FHIP2A: variants seen among roughly 807,000 people sequenced by gnomAD.
FHIP2A encodes FHF complex subunit HOOK interacting protein 2A, also known as family with sequence similarity 160 member B1.
FHIP2A carries 46 observed loss-of-function variants against 93.5 expected under a neutral mutation model. The ratio of observed to expected loss-of-function variants is 0.49; its 90% CI spans 0.39 to 0.63. The LOEUF (loss-of-function observed/expected upper bound fraction) is 0.63. Among genes scored for constraint, FHIP2A ranks in the 20% least tolerant of loss-of-function variants. FHIP2A has a pLI of 0.00. For missense variants in FHIP2A, 769 were observed against 909.7 expected (o/e 0.85, Z 1.99); for synonymous variants, 332 against 326.5 (o/e 1.02, Z -0.18).
chr10:114,855,403 A>C, intron 14 of FHIP2A, 63 bp downstream of exon 14: 2,294 of 1,303,848 alleles, frequency 1.8e-3, no homozygotes, highest in Non-Finnish European at 2.2e-3. Context: ...GAATCATCTC[A>C]AGTCTTAGTA....
chr10:114,882,559 C>T (rs1485840224), intron 16 of FHIP2A, among the ~76,000 whole-genome samples: 1 of 152,142 alleles, frequency 6.6e-6, no homozygotes, highest in African/African-American at 2.4e-5. Flanking sequence ...GGCAAGGTGG[C>T]TCGCACCTGT....
intron 16 of FHIP2A, among the ~76,000 whole-genome samples, chr10:114,891,537 ATGTGTGTGTGTGTGTGTG>A (rs34032569): frequency 1.5e-5 from 2 of 137,132 alleles, no homozygotes; most frequent in African/African-American, 5.7e-5. Context: ...ATATATATAT[ATGTGTGTGTGTGTGTGTG>A]TGTGTGTGTG....
intron 6 of FHIP2A, 35 bp from the exon 7 acceptor site, chr10:114,843,706 T>C: frequency 6.9e-7 from 1 of 1,453,156 alleles, no homozygotes; most frequent in Non-Finnish European, 9.1e-7. Flanking sequence ...GTATATACAA[T>C]TCAAGAATTG....
downstream of FHIP2A, among the ~76,000 whole-genome samples, chr10:114,868,566 T>C (rs750381353): frequency 6.6e-6 from 1 of 151,896 alleles, no homozygotes; most frequent in African/African-American, 2.4e-5. Flanking sequence ...GTGGGGGGAA[T>C]ATATATATAT....
chr10:114,833,899 T>C (rs1287287607), intron 3 of FHIP2A, among the ~76,000 whole-genome samples: 3 of 152,186 alleles, frequency 2.0e-5, no homozygotes, highest in Admixed American at 6.5e-5. Context: ...AAATTACTTA[T>C]AGAGACAAGT....
intron 1 of FHIP2A, among the ~76,000 whole-genome samples, chr10:114,823,129 T>C (rs1198368684): frequency 3.3e-5 from 5 of 152,212 alleles, no homozygotes; most frequent in Non-Finnish European, 5.9e-5. Context: ...CTTTAAAATG[T>C]ACACTTTAAA....
chr10:114,838,961 T>G (rs1438404559), intron 5 of FHIP2A, among the ~76,000 whole-genome samples: 1 of 152,146 alleles, frequency 6.6e-6, no homozygotes, highest in African/African-American at 2.4e-5. Flanking sequence ...CACTGGTTAT[T>G]TAAGTGCATT....
intron 16 of FHIP2A, among the ~76,000 whole-genome samples, chr10:114,874,688 G>A (rs1296908309): frequency 6.6e-6 from 1 of 152,090 alleles, no homozygotes; most frequent in Non-Finnish European, 1.5e-5. Context: ...GTTTTTAGTA[G>A]AAATGGGGTT....
chr10:114,864,090 G>A lies in FHIP2A; in HGVS notation c.*2550G>A. 3 of 988,474 alleles carry A rather than the reference G, an allele frequency of 3.0e-6. No homozygotes were observed. The highest frequency in any genetic ancestry group is 3.6e-6 in the Non-Finnish European group (3 of 831,736). The allele number at this position is 988,474 out of a possible 1,614,324, so 61.2% of individuals were successfully genotyped here. ...GGATTCATAGCTTTTTGGTTTAATT[G>A]TACATTATTGTGTGTGTATATATGT... is the stretch of plus-strand genomic sequence containing the variant. On this transcript the variant is annotated 3_prime_UTR_variant, in exon 17 of 17. Coordinates refer to ENST00000369248, the MANE Select transcript of FHIP2A (RefSeq NM_020940.4).
chr10:114,838,793 C>T (rs564808878), intron 5 of FHIP2A, among the ~76,000 whole-genome samples: 1 of 152,278 alleles, frequency 6.6e-6, no homozygotes, highest in South Asian at 2.1e-4. Context: ...ACATTTAAAC[C>T]TCACTACAGA....
intron 16 of FHIP2A, among the ~76,000 whole-genome samples, chr10:114,892,796 A>G (rs922328634): frequency 1.3e-5 from 2 of 152,220 alleles, no homozygotes; most frequent in East Asian, 3.8e-4. Context: ...CATTTTATCC[A>G]GACATTACAT....
chr10:114,895,524 A>G (rs1373117796), intron 16 of FHIP2A, among the ~76,000 whole-genome samples: 2 of 152,184 alleles, frequency 1.3e-5, no homozygotes, highest in East Asian at 3.8e-4. Context: ...AATCCTTAAT[A>G]ACGATACCTT....
chr10:114,842,033 GT>G (rs2083671753), intron 5 of FHIP2A, among the ~76,000 whole-genome samples: 1 of 152,028 alleles, frequency 6.6e-6, no homozygotes, highest in Non-Finnish European at 1.5e-5. Flanking sequence ...TGGTAAAAAT[GT>G]CCCCTGAGTA....
At chr10:114,828,275 A>G (rs2083588934) in intron 1 of FHIP2A, among the ~76,000 whole-genome samples, 1 of 152,198 alleles carries the variant, frequency 6.6e-6, no homozygotes, top group Non-Finnish European at 1.5e-5. Flanking sequence ...ACTGTAACCT[A>G]CAACAAGGGT....
intron 7 of FHIP2A, among the ~76,000 whole-genome samples, 174 bp from the exon 8 acceptor site, chr10:114,845,193 C>G (rs1374134824): frequency 2.0e-5 from 3 of 152,130 alleles, no homozygotes; most frequent in South Asian, 2.1e-4. Context: ...AAAAGATTTT[C>G]TCTTATCTTT....
At chr10:114,897,368 G>A (rs552663805) in intron 16 of FHIP2A, among the ~76,000 whole-genome samples, 8 of 152,154 alleles carry the variant, frequency 5.3e-5, no homozygotes, top group South Asian at 2.1e-4. Context: ...GTGTACTTTC[G>A]TGGCAAAACT....
rs1341838606 is a variant in FHIP2A at position 114,862,928 on chromosome 10, A to T, written c.*1388A>T. On this transcript the variant is annotated 3_prime_UTR_variant, in exon 17 of 17. Transcript: ENST00000369248. ...TTATGTAGCATGTTTGCATATACGC[A>T]TTGTGTGGCATGTGCATAGAGGCTT... The T allele has an allele frequency of 2.0e-6, 2 of 985,254 alleles. No homozygotes were observed. The highest frequency in any genetic ancestry group is 3.5e-5 in the African/African-American group (2 of 57,228). The allele number at this position is 985,254 out of a possible 1,614,324, so 61.0% of individuals were successfully genotyped here.
chr10:114,864,992 A>ATT (rs142952175), downstream of FHIP2A, among the ~76,000 whole-genome samples: 1 of 148,270 alleles, frequency 6.7e-6, no homozygotes, highest in African/African-American at 2.5e-5. Context: ...CTCAAAAACA[A>ATT]TTTTTTTTTT....
downstream of FHIP2A, among the ~76,000 whole-genome samples, chr10:114,869,217 G>T (rs988411571): frequency 1.3e-5 from 2 of 152,182 alleles, no homozygotes. Context: ...CTCACAAGTA[G>T]AATAGCATGT....
Sources: gnomAD v4.1 joint callset for allele counts (sites outside exome capture counted in the v4.1 genomes callset) on GRCh38, gnomAD v4.1.1 for gene constraint, MANE v1.5 for transcripts, NCBI Gene and HGNC (gene_info 2026-07-23, HGNC 2026-07-21) for gene names.